ADCY7: variants seen among roughly 807,000 people sequenced by gnomAD.
ADCY7 encodes adenylate cyclase 7, also known as adenylate cyclase type 7.
In ADCY7, 72 loss-of-function variants were observed where a neutral mutation model predicts 120.6. The observed-to-expected ratio is 0.60, with a 90% CI of 0.49 to 0.73. The LOEUF is 0.73. Ranked by LOEUF, ADCY7 falls within the 30% of genes least tolerant of loss-of-function variation. The pLI is 0.00. For synonymous variants in ADCY7, 661 were observed against 628.0 expected (o/e 1.05, Z -0.78); for missense variants, 1,227 against 1,486.0 (o/e 0.83, Z 2.87).
intron 22 of ADCY7, 77 bp from the exon 23 acceptor site, chr16:50,313,881 C>T (rs758172530): frequency 4.8e-6 from 6 of 1,246,578 alleles, no homozygotes; most frequent in Non-Finnish European, 7.0e-6. Context: ...GAACCCCACA[C>T]CCTTCCTGAG....
At chr16:50,265,098 A>G (rs1440410042), upstream of ADCY7, among the ~76,000 whole-genome samples, 1 of 152,064 alleles carries the variant, frequency 6.6e-6, no homozygotes, top group Non-Finnish European at 1.5e-5. Context: ...TAGCCTCCCA[A>G]AGTGCTGGGA....
At chr16:50,252,323 C>T (rs946811414) in intron 1 of ADCY7, among the ~76,000 whole-genome samples, 1 of 152,174 alleles carries the variant, frequency 6.6e-6, no homozygotes, top group African/African-American at 2.4e-5. Context: ...CATTCCAGTG[C>T]TTGGCTTCTA....
Position 50,315,469 on chromosome 16 carries a change from G to T in ADCY7, c.3207G>T (p.Thr1069=), listed in dbSNP as rs144584058. Residue 1069 remains threonine (T), a synonymous_variant, in exon 26 of 26, where the codon ACG becomes ACT. Coordinates refer to ENST00000673801, the MANE Select transcript of ADCY7 (RefSeq NM_001114.5). ...KGELRTYFVC[T]DTAKFQGLGL... ...AGCTGAGGACTTACTTTGTCTGTAC[G>T]GACACTGCCAAGTTTCAGGGGCTGG... 267 of 1,613,612 alleles carry T rather than the reference G, an allele frequency of 1.7e-4. 1 individual carries two copies. The African/African-American group carries it at 2.9e-3, about 18-fold the overall frequency.
rs2036728492 is a variant in ADCY7 at position 50,315,049 on chromosome 16, G to A, written c.3007G>A (p.Gly1003Arg). 6.2e-7 allele frequency: 1 copy of A among 1,614,226 alleles called. No individual in the cohort carries two copies. Among genetic ancestry groups the A allele is most frequent in the Non-Finnish European group, 8.5e-7 (1 of 1,180,042 alleles). Residue 1003 changes from glycine (G) to arginine (R), a missense_variant, in exon 25 of 26, where the codon GGG (glycine) becomes AGG (arginine). Transcript: ENST00000673801. ...NHGPVIAGVI[G>R]ARKPQYDIWG... ...TGGGCCTGTGATTGCTGGAGTGATT[G>A]GGGCCCGAAAACCTCAGTATGACAT...
intron 1 of ADCY7, among the ~76,000 whole-genome samples, chr16:50,260,266 G>A (rs545423711): frequency 2.4e-4 from 36 of 152,334 alleles, no homozygotes; most frequent in African/African-American, 8.7e-4. Context: ...AGCCAGATGG[G>A]TCTGATGGAG....
intron 5 of ADCY7, 21 bp from the exon 6 acceptor site, chr16:50,293,333 G>A (rs1325152740): frequency 6.2e-7 from 1 of 1,609,418 alleles, no homozygotes; most frequent in African/African-American, 1.3e-5. Flanking sequence ...TCCCTCTGCT[G>A]GTCTGCCCAC....
At chr16:50,308,453 C>T (rs1191021103) in intron 16 of ADCY7, 42 bp downstream of exon 16, 2 of 1,612,002 alleles carry the variant, frequency 1.2e-6, no homozygotes, top group Non-Finnish European at 1.7e-6. Context: ...CCCTCCCTGC[C>T]TCAGGACACC....
chr16:50,309,651 G>A lies in ADCY7; in HGVS notation c.2160+5G>A. On this transcript the variant is annotated splice_donor_5th_base_variant and intron_variant, in intron 18 of 25. Transcript: ENST00000673801. The stretch of plus-strand genomic sequence containing the variant: ...GCCCTGTGTGAGCCCCTCCCGGTGA[G>A]TGCGCCGGGCCCGGCTCCGTGGCCT... 6.2e-7 allele frequency: 1 copy of A among 1,607,426 alleles called. No individual in the cohort carries two copies. The highest frequency in any genetic ancestry group is 8.5e-7 in the Non-Finnish European group (1 of 1,179,700).
At chr16:50,272,899 A>C (rs962007004) in intron 1 of ADCY7, among the ~76,000 whole-genome samples, 4 of 152,096 alleles carry the variant, frequency 2.6e-5, no homozygotes, top group African/African-American at 9.7e-5. Context: ...GCTAATGGGA[A>C]GTGGCCTCTT....
Position 50,310,397 on chromosome 16 carries a change from G to C in ADCY7, c.2161-290G>C. 4.1e-6 allele frequency: 6 copies of C among 1,470,316 alleles called. No individual in the cohort carries two copies. In the South Asian group the frequency reaches 7.3e-5, roughly 18 times the overall value. The allele number at this position is 1,470,316 out of a possible 1,614,324, so 91.1% of individuals were successfully genotyped here. ...AAGCTCACAAAAACTCAGGGAGGCAGCTTGGATGCATGCACGCTCCGGCCT... is the reference window on the plus strand; with the variant it reads ...AAGCTCACAAAAACTCAGGGAGGCACCTTGGATGCATGCACGCTCCGGCCT... On this transcript the variant is annotated intron_variant, in intron 18 of 25. Transcript: ENST00000673801.
intron 1 of ADCY7, among the ~76,000 whole-genome samples, chr16:50,281,195 T>C (rs1160368480): frequency 6.6e-6 from 1 of 152,242 alleles, no homozygotes; most frequent in Admixed American, 6.5e-5. Flanking sequence ...TCTTGCAAGC[T>C]TGGCCTGTTG....
At chr16:50,264,551 A>T (rs2033139547), upstream of ADCY7, among the ~76,000 whole-genome samples, 1 of 152,220 alleles carries the variant, frequency 6.6e-6, no homozygotes, top group African/African-American at 2.4e-5. Context: ...GGCAGTTTTC[A>T]TCATGGTGGC....
rs1386497934 is a variant in ADCY7 at position 50,317,952 on chromosome 16, G to A, written c.*2447G>A. 6.6e-6 allele frequency: 1 copy of A among 152,332 alleles called. No homozygotes were observed. Among genetic ancestry groups the A allele is most frequent in the East Asian group, 1.9e-4 (1 of 5,340 alleles). The allele number at this position is 152,332 out of a possible 1,614,324, so 9.4% of individuals were successfully genotyped here. A position where few individuals can be genotyped will look rare whatever the true frequency, so the allele number is the denominator to read the frequency against. On this transcript the variant is annotated 3_prime_UTR_variant, in exon 26 of 26. Coordinates refer to ENST00000673801, the MANE Select transcript of ADCY7 (RefSeq NM_001114.5). ...GATCATTAACCACTGTATACTTTGT[G>A]TATATAATAGGTCAGTGTAAAGAAA...
intron 1 of ADCY7, among the ~76,000 whole-genome samples, chr16:50,254,639 G>A (rs554676574): frequency 6.6e-6 from 1 of 152,290 alleles, no homozygotes; most frequent in African/African-American, 2.4e-5. Context: ...ACAAATAGAT[G>A]GGATTTTATC....
At chr16:50,307,027 CT>C (rs1271842889) in intron 14 of ADCY7, 22 bp from the exon 15 acceptor site, 1 of 1,596,954 alleles carries the variant, frequency 6.3e-7, no homozygotes, top group Admixed American at 1.7e-5. Flanking sequence ...GTGGCCACCC[CT>C]CACAGTCCCT....
rs2036115525 is a variant in ADCY7 at position 50,307,053 on chromosome 16, C to T, written c.1756C>T (p.Arg586Cys). The T allele has an allele frequency of 5.0e-6, 8 of 1,606,920 alleles. No individual in the cohort carries two copies. Among genetic ancestry groups the T allele is most frequent in the Non-Finnish European group, 6.8e-6 (8 of 1,179,608 alleles). Residue 586 changes from arginine to cysteine, a missense_variant, in exon 15 of 26, where the codon CGC becomes TGC. By Grantham distance (180) the Arg-to-Cys change is radical. Around this residue, in one of 5 missense-constraint regions of ADCY7, gnomAD observed 332 missense variants for 455.8 expected, o/e 0.73. Transcript: ENST00000673801. ...TCACAGTCCCTGCTGCCCCCAGTAC[C>T]GCCTGGCACCCATCCCCCGGGCCCG... ...FLEKGFEREY[R>C]LAPIPRARHD... is the part of the protein sequence containing the mutation.
intron 5 of ADCY7, 46 bp downstream of exon 5, chr16:50,292,871 T>C (rs1043030556): frequency 1.3e-6 from 2 of 1,592,496 alleles, no homozygotes; most frequent in African/African-American, 2.7e-5. Context: ...CCTGTCCTCT[T>C]CCTCTTTCTG....
chr16:50,279,860 A>C (rs888533574), intron 1 of ADCY7, among the ~76,000 whole-genome samples: 1 of 152,138 alleles, frequency 6.6e-6, no homozygotes, highest in Non-Finnish European at 1.5e-5. Context: ...CAAATGAATG[A>C]AGTGGAGGGG....
chr16:50,313,874 C>T (rs2036628843), intron 22 of ADCY7, 84 bp from the exon 23 acceptor site: 1 of 1,155,226 alleles, frequency 8.7e-7, no homozygotes, highest in Non-Finnish European at 1.3e-6. Context: ...GTGGAGGGAA[C>T]CCCACACCCT....
Sources: gnomAD v4.1 joint callset for allele counts (sites outside exome capture counted in the v4.1 genomes callset) on GRCh38, gnomAD v4.1.1 for gene constraint, gnomAD v4.1.1 regional missense constraint, MANE v1.5 for transcripts, NCBI Gene and HGNC (gene_info 2026-07-23, HGNC 2026-07-21) for gene names.